Variants in ZNF804A observed in about 807,000 individuals in gnomAD.
The protein encoded by ZNF804A is zinc finger protein 804A.
Under a neutral mutation model 16.5 loss-of-function variants are expected in ZNF804A, and 2 were observed. The observed-to-expected ratio is 0.12, with a 90% CI of 0.05 to 0.38. The LOEUF (loss-of-function observed/expected upper bound fraction) is 0.38, where lower values mean the gene tolerates loss of function less well. Ranked by LOEUF, ZNF804A falls within the 10% of genes least tolerant of loss-of-function variation. The probability of loss-of-function intolerance (pLI) is 0.99; values close to 1 mark genes in which losing one functional copy is unlikely to be tolerated. For missense variants in ZNF804A, 1,473 were observed against 1,390.7 expected (o/e 1.06, Z -0.94); for synonymous variants, 534 against 489.6 (o/e 1.09, Z -1.20).
chr2:184,741,784 A>C (rs150442326), intron 1 of ZNF804A, among the ~76,000 whole-genome samples: 10 of 152,264 alleles, frequency 6.6e-5, no homozygotes, highest in African/African-American at 2.4e-4. Context: ...ATAGTTAATA[A>C]TACACAGTTA....
At chr2:184,751,983 G>C (rs1167894722) in intron 1 of ZNF804A, among the ~76,000 whole-genome samples, 1 of 151,586 alleles carries the variant, frequency 6.6e-6, no homozygotes, top group African/African-American at 2.4e-5. Context: ...AAACACAAGA[G>C]ATGTTGTCAT....
At chr2:184,695,386 G>A (rs1325581898) in intron 1 of ZNF804A, among the ~76,000 whole-genome samples, 2 of 149,918 alleles carry the variant, frequency 1.3e-5, no homozygotes, top group Admixed American at 6.7e-5. Context: ...GCGTGAACCC[G>A]GTAGGCGGAG....
At chr2:184,634,078 T>G (rs547645457) in intron 1 of ZNF804A, among the ~76,000 whole-genome samples, 1 of 152,298 alleles carries the variant, frequency 6.6e-6, no homozygotes, top group East Asian at 1.9e-4. Flanking sequence ...ATTGAAGTTA[T>G]AAAACTGATA....
rs138180356 is a variant in ZNF804A, at chr2:184,859,916, G to A, written c.112-6453G>A. ...TGTCCACAGGGGCTGCCTTGGCACC[G>A]GGGTGGGCCATGAGCCTGAGTCTTC... On this transcript the variant is annotated intron_variant, in intron 1 of 3. Transcript: ENST00000302277. Among the ~76,000 whole-genome samples the A allele has an allele frequency of 9.4e-3, 1,432 of 152,312 alleles. 24 individuals carry two copies. Among genetic ancestry groups the A allele is most frequent in the African/African-American group, 0.032 (1,332 of 41,572 alleles).
At chr2:184,747,071 T>C (rs1286743987) in intron 1 of ZNF804A, among the ~76,000 whole-genome samples, 8 of 151,246 alleles carry the variant, frequency 5.3e-5, no homozygotes, top group Non-Finnish European at 1.2e-4. Flanking sequence ...ATATCAGCCC[T>C]GCTCCTTTAT....
chr2:184,647,847 T>C (rs1691909265), intron 1 of ZNF804A, among the ~76,000 whole-genome samples: 1 of 152,134 alleles, frequency 6.6e-6, no homozygotes, highest in East Asian at 1.9e-4. Context: ...TCCCTAATCT[T>C]GCTAGAGAGG....
rs776613524 is a variant in ZNF804A, at chr2:184,937,691, A to C, written c.2295A>C (p.Ser765=). 5.3e-5 allele frequency: 85 copies of C among 1,613,992 alleles called. No homozygotes were observed. Among genetic ancestry groups the C allele is most frequent in the Non-Finnish European group, 6.9e-5 (81 of 1,179,994 alleles). ...KRGYNSVMNE[S]ERFYRKRRQH... ...GTTACAATTCTGTCATGAATGAATC[A>C]GAAAGATTCTATCGAAAACGTAGAC... Residue 765 remains serine (S), a synonymous_variant, in exon 4 of 4, where the codon TCA becomes TCC. Coordinates refer to ENST00000302277, the MANE Select transcript of ZNF804A (RefSeq NM_194250.2).
At chr2:184,778,296 C>T (rs182635062) in intron 1 of ZNF804A, among the ~76,000 whole-genome samples, 2 of 151,510 alleles carry the variant, frequency 1.3e-5, no homozygotes, top group Admixed American at 6.6e-5. Flanking sequence ...TGTTCTGGAT[C>T]CTGGGCATAG....
At chr2:184,609,179 G>A (rs528850553) in intron 1 of ZNF804A, among the ~76,000 whole-genome samples, 1 of 152,270 alleles carries the variant, frequency 6.6e-6, no homozygotes, top group South Asian at 2.1e-4. Context: ...CAATGTCACT[G>A]GAGATACAGG....
At chr2:184,635,399 G>A (rs945654329) in intron 1 of ZNF804A, among the ~76,000 whole-genome samples, 3 of 152,082 alleles carry the variant, frequency 2.0e-5, no homozygotes, top group Non-Finnish European at 1.5e-5. Context: ...AAGCACTACA[G>A]TAAAGTAACT....
At chr2:184,901,556 T>A (rs999757727) in intron 2 of ZNF804A, among the ~76,000 whole-genome samples, 7 of 152,154 alleles carry the variant, frequency 4.6e-5, no homozygotes, top group Non-Finnish European at 8.8e-5. Flanking sequence ...TAAATTATAC[T>A]TTCCTCAGCA....
At chr2:184,846,895 CA>C (rs1015284989) in intron 1 of ZNF804A, among the ~76,000 whole-genome samples, 23 of 152,050 alleles carry the variant, frequency 1.5e-4, no homozygotes, top group African/African-American at 5.6e-4. Flanking sequence ...GTAGAATGGC[CA>C]AACCTTTACT....
At chr2:184,799,433 T>C (rs2105782093) in intron 1 of ZNF804A, among the ~76,000 whole-genome samples, 1 of 152,334 alleles carries the variant, frequency 6.6e-6, no homozygotes, top group East Asian at 1.9e-4. Context: ...CTGAAATATA[T>C]TAAGCTACAG....
At chr2:184,736,693 C>T (rs11693094) in intron 1 of ZNF804A, among the ~76,000 whole-genome samples, 53,657 of 141,374 alleles carry the variant, frequency 0.38, 11,389 homozygotes, top group East Asian at 0.49. Context: ...ACATGTATCC[C>T]GAACTTAAAT....
At chr2:184,893,597 G>C (rs945761516) in intron 2 of ZNF804A, among the ~76,000 whole-genome samples, 2 of 152,082 alleles carry the variant, frequency 1.3e-5, no homozygotes, top group Middle Eastern at 3.4e-3. Flanking sequence ...AGAAAATAAA[G>C]ATATTCTAAA....
At chr2:184,756,873 G>A (rs1164021185) in intron 1 of ZNF804A, among the ~76,000 whole-genome samples, 1 of 151,930 alleles carries the variant, frequency 6.6e-6, no homozygotes, top group African/African-American at 2.4e-5. Flanking sequence ...TAACTGATAT[G>A]TTGAACACAC....
rs138093600 is a variant in ZNF804A at position 184,874,645 on chromosome 2, G to T, written c.255+8133G>T. Among the ~76,000 whole-genome samples the T allele has an allele frequency of 2.3e-3, 348 of 152,096 alleles. 1 individual carries two copies. The highest frequency in any genetic ancestry group is 7.7e-3 in the African/African-American group (321 of 41,500). Reference sequence around the variant, plus strand: ...GTAATCTTGTTTCAAATTTCATTTTGTTAAACTTTAATCAATATTAAAATA... The same window carrying T: ...GTAATCTTGTTTCAAATTTCATTTTTTTAAACTTTAATCAATATTAAAATA... On this transcript the variant is annotated intron_variant, in intron 2 of 3. Transcript: ENST00000302277.
At chr2:184,750,772 G>A (rs540862181) in intron 1 of ZNF804A, among the ~76,000 whole-genome samples, 1 of 151,286 alleles carries the variant, frequency 6.6e-6, no homozygotes, top group Non-Finnish European at 1.5e-5. Flanking sequence ...TAAACCTCTA[G>A]GAATTATACA....
At position 184,895,226 on chromosome 2, in the gene ZNF804A, G is replaced by T. The variant is rs1574260568; in HGVS notation, c.255+28714G>T. 2.0e-5 allele frequency among the ~76,000 whole-genome samples: 3 copies of T among 151,496 alleles called. No individual in the cohort carries two copies. In the East Asian group the frequency reaches 5.8e-4, roughly 29 times the overall value. ...TGTGTGTGTTTGTGGGTGGGTGGGG[G>T]TGTGTGTGTGTGAGAGAGAGAGAGA... On this transcript the variant is annotated intron_variant, in intron 2 of 3. Coordinates refer to ENST00000302277, the MANE Select transcript of ZNF804A (RefSeq NM_194250.2).
Sources: gnomAD v4.1 joint callset for allele counts (sites outside exome capture counted in the v4.1 genomes callset) on GRCh38, gnomAD v4.1.1 for gene constraint, MANE v1.5 for transcripts, NCBI Gene and HGNC (gene_info 2026-07-23, HGNC 2026-07-21) for gene names.